The following NRCAM variants were observed in gnomAD, a reference collection of about 807,000 sequenced individuals.
NRCAM encodes neuronal cell adhesion molecule, also known as NgCAM-related cell adhesion molecule.
In NRCAM, 83 loss-of-function variants were observed where a neutral mutation model predicts 156.5. The ratio of observed to expected loss-of-function variants is 0.53; its 90% CI spans 0.44 to 0.64. The LOEUF is 0.64. NRCAM is among the 30% of genes least tolerant of loss of function. The pLI is 0.00. For missense variants in NRCAM, 1,417 were observed against 1,597.3 expected, an observed-to-expected ratio of 0.89 and a Z score of 1.92; for synonymous variants, 538 against 563.9, an observed-to-expected ratio of 0.95 and a Z score of 0.65.
chr7:108,381,749 C>T (rs1014909158), intron 2 of NRCAM, among the ~76,000 whole-genome samples: 4 of 151,762 alleles, frequency 2.6e-5, no homozygotes, highest in South Asian at 2.1e-4. Context: ...TTAATAGAGA[C>T]GGGGTTTCAC....
At chr7:108,378,631 C>T (rs910201540) in intron 2 of NRCAM, among the ~76,000 whole-genome samples, 128 of 100,726 alleles carry the variant, frequency 1.3e-3, no homozygotes, top group African/African-American at 4.6e-3. Flanking sequence ...AAGCAGGATT[C>T]AACACACACA....
chr7:108,196,989 C>T (rs2075491551), intron 14 of NRCAM, among the ~76,000 whole-genome samples: 1 of 152,038 alleles, frequency 6.6e-6, no homozygotes, highest in African/African-American at 2.4e-5. Context: ...GTGGCATATA[C>T]ACACAATGGA....
intron 2 of NRCAM, among the ~76,000 whole-genome samples, chr7:108,362,680 G>A (rs988319464): frequency 6.6e-6 from 1 of 152,172 alleles, no homozygotes; most frequent in African/African-American, 2.4e-5. Context: ...CAAGAAAGGG[G>A]AAGAGGCTAG....
At position 108,298,662 on chromosome 7, in the gene NRCAM, C is replaced by CAAA. The variant is rs1563160374; in HGVS notation, c.-107+14000_-107+14002dup. ...AGCGAGACTCCATCTCAAAAAAAAC[C>CAAA]AAAAAAACAAAAAAACAAAAAACAC... On this transcript the variant is annotated intron_variant, in intron 3 of 32. Coordinates refer to ENST00000379028, the MANE Select transcript of NRCAM (RefSeq NM_001037132.4). 1.1e-4 allele frequency among the ~76,000 whole-genome samples: 15 copies of CAAA among 138,464 alleles called. No individual in the cohort carries two copies. The East Asian group carries it at 3.3e-3, about 31-fold the overall frequency. The allele number at this position is 138,464 out of a possible 152,430, so 90.8% of individuals were successfully genotyped here. A position where few individuals can be genotyped will look rare whatever the true frequency, so the allele number is the denominator to read the frequency against.
intron 3 of NRCAM, among the ~76,000 whole-genome samples, chr7:108,265,285 T>C (rs2097058221): frequency 6.6e-6 from 1 of 152,174 alleles, no homozygotes; most frequent in Non-Finnish European, 1.5e-5. Context: ...TAATGGAATA[T>C]CCTTGCCCCT....
intron 2 of NRCAM, among the ~76,000 whole-genome samples, chr7:108,366,342 A>C (rs2154332876): frequency 6.6e-6 from 1 of 152,330 alleles, no homozygotes; most frequent in East Asian, 1.9e-4. Context: ...AGACATTTAC[A>C]CAGAAATTTT....
At chr7:108,200,314 G>A (rs1563404723) in intron 13 of NRCAM, among the ~76,000 whole-genome samples, 1 of 152,222 alleles carries the variant, frequency 6.6e-6, no homozygotes, top group East Asian at 1.9e-4. Flanking sequence ...AAAGACAGCA[G>A]AGGATGGATA....
In NRCAM at chr7:108,147,738, C is replaced by T. The variant is rs963144900; in HGVS notation, c.*2172G>A. On this transcript the variant is annotated 3_prime_UTR_variant, in exon 33 of 33. Coordinates refer to ENST00000379028, the MANE Select transcript of NRCAM (RefSeq NM_001037132.4). The stretch of plus-strand genomic sequence containing the variant: ...TTACATACACCATTACTTGGACATT[C>T]ACACTCAATTGGGAACATAAATTAC... 1 of 152,474 alleles carries T rather than the reference C, an allele frequency of 6.6e-6. No homozygotes were observed. The highest frequency in any genetic ancestry group is 2.4e-5 in the African/African-American group (1 of 41,444). The allele number at this position is 152,474 out of a possible 1,614,324, so 9.4% of individuals were successfully genotyped here.
chr7:108,293,422 T>A (rs916433266), intron 3 of NRCAM, among the ~76,000 whole-genome samples: 2 of 152,202 alleles, frequency 1.3e-5, no homozygotes. Context: ...CAGCTGCTTA[T>A]CTTTGGATAT....
upstream of NRCAM, chr7:108,456,570 G>C (rs1234514262): frequency 6.6e-6 from 1 of 151,816 alleles, no homozygotes; most frequent in Admixed American, 6.6e-5. Flanking sequence ...GGCGTCCTCC[G>C]CCTCCTCCCC....
chr7:108,240,986 G>A (rs1238975811), intron 3 of NRCAM, among the ~76,000 whole-genome samples: 1 of 151,748 alleles, frequency 6.6e-6, no homozygotes, highest in African/African-American at 2.4e-5. Context: ...TCTTGTCTTT[G>A]TTTATTCTAT....
chr7:108,252,227 T>C (rs1322053098), intron 3 of NRCAM, among the ~76,000 whole-genome samples: 3 of 152,204 alleles, frequency 2.0e-5, no homozygotes, highest in Non-Finnish European at 4.4e-5. Flanking sequence ...GTCCTGCTCC[T>C]GCGTGGTCAG....
rs533160278 is a variant in NRCAM, at chr7:108,259,447, G to A, written c.-106-19277C>T. Among the ~76,000 whole-genome samples the A allele has an allele frequency of 3.3e-5, 5 of 152,318 alleles. No individual in the cohort carries two copies. In the South Asian group the frequency reaches 1.0e-3, roughly 32 times the overall value. Reference sequence around the variant, plus strand: ...CAAGACAGTGTGGTGGTTCCTCAAAGACCTAGAACCAGAAATACCATTTGA... The same window carrying A: ...CAAGACAGTGTGGTGGTTCCTCAAAAACCTAGAACCAGAAATACCATTTGA... On this transcript the variant is annotated intron_variant, in intron 3 of 32. Transcript: ENST00000379028.
chr7:108,414,386 A>G (rs921629244), intron 1 of NRCAM, among the ~76,000 whole-genome samples: 1 of 152,158 alleles, frequency 6.6e-6, no homozygotes, highest in Admixed American at 6.5e-5. Flanking sequence ...CTGGAATTCC[A>G]TCTCCTCATA....
chr7:108,268,630 GGGGGTTGGGGGGGGCGGCGGT>G (rs2097202682), intron 3 of NRCAM, among the ~76,000 whole-genome samples: 1 of 119,238 alleles, frequency 8.4e-6, no homozygotes, highest in Non-Finnish European at 1.9e-5. Context: ...GGGGGTGGGG[GGGGGTTGGGGGGGGCGGCGGT>G]GGCGGGAAGA....
At chr7:108,401,001 T>C (rs1002725398) in intron 1 of NRCAM, among the ~76,000 whole-genome samples, 1 of 152,178 alleles carries the variant, frequency 6.6e-6, no homozygotes, top group East Asian at 1.9e-4. Flanking sequence ...GGCTCACGCC[T>C]GTAATCCCAG....
chr7:108,401,840 T>C (rs566739638), intron 1 of NRCAM, among the ~76,000 whole-genome samples: 131 of 152,186 alleles, frequency 8.6e-4, no homozygotes, highest in Non-Finnish European at 1.5e-3. Context: ...TGCCCTGATA[T>C]CTACTTTATC....
In NRCAM at chr7:108,242,695, T is replaced by G. The variant is rs79927763; in HGVS notation, c.-106-2525A>C. 7.3e-3 allele frequency among the ~76,000 whole-genome samples: 1,105 copies of G among 152,344 alleles called. 22 individuals carry two copies. Among genetic ancestry groups the G allele is most frequent in the African/African-American group, 0.025 (1,045 of 41,578 alleles). On this transcript the variant is annotated intron_variant, in intron 3 of 32. Transcript: ENST00000379028. The stretch of plus-strand genomic sequence containing the variant: ...TGAAAAGGAAAATGGTTTATTTGTC[T>G]GATTTCTGTGTCATGCTAATGGAGA...
chr7:108,204,977 TA>T (rs2080338851), intron 13 of NRCAM, among the ~76,000 whole-genome samples: 1 of 151,778 alleles, frequency 6.6e-6, no homozygotes, highest in South Asian at 2.1e-4. Context: ...GTTATTATGT[TA>T]TGAGTGTATT....
Sources: gnomAD v4.1 joint callset for allele counts (sites outside exome capture counted in the v4.1 genomes callset) on GRCh38, gnomAD v4.1.1 for gene constraint, MANE v1.5 for transcripts, NCBI Gene and HGNC (gene_info 2026-07-23, HGNC 2026-07-21) for gene names.